The following HOXA3 variants were observed in gnomAD, a reference collection of about 807,000 sequenced individuals.
The protein encoded by HOXA3 is homeobox A3, also known as homeobox protein Hox-A3.
A neutral mutation model predicts 30.3 loss-of-function variants in HOXA3; 8 were observed. The ratio of observed to expected loss-of-function variants is 0.26; its 90% CI spans 0.15 to 0.48. HOXA3 has a LOEUF of 0.48. HOXA3 is among the 20% of genes least tolerant of loss of function. The pLI is 0.99. For synonymous variants in HOXA3, 323 were observed against 273.1 expected (o/e 1.18, Z -1.80); for missense variants, 653 against 614.4 (o/e 1.06, Z -0.66).
At chr7:27,130,564 T>TGCTGCAGCG in intron 2 of HOXA3, 1 of 1,440,370 alleles carries the variant, frequency 6.9e-7, no homozygotes, top group Non-Finnish European at 9.1e-7. Context: ...GAGCTGGGGC[T>TGCTGCAGCG]GCTGCAGCGG....
intron 1 of HOXA3, chr7:27,141,107 CAAATACAAAA>C (rs1409395535): frequency 2.7e-4 from 2 of 7,416 alleles, no homozygotes; most frequent in Non-Finnish European, 5.6e-4. Context: ...TCCTTAAAAA[CAAATACAAAA>C]AAAAAAAAAA....
intron 2 of HOXA3, among the ~76,000 whole-genome samples, chr7:27,138,928 T>C (rs1785800769): frequency 6.6e-6 from 1 of 152,196 alleles, no homozygotes; most frequent in African/African-American, 2.4e-5. Flanking sequence ...GACTTTTAAG[T>C]TGGGCACTGA....
rs950492898 is a variant in HOXA3 at position 27,110,619 on chromosome 7, C to A, written c.22G>T (p.Asp8Tyr). 1 of 1,604,022 alleles carries A rather than the reference C, an allele frequency of 6.2e-7. No individual in the cohort carries two copies. Residue 8 changes from aspartate to tyrosine, a missense_variant, in exon 5 of 6, where the codon GAC becomes TAC. Physicochemically the swap from Asp to Tyr is radical, Grantham distance 160. Transcript: ENST00000612286. Reference sequence around the variant, plus strand: ...TAGCCACCGTAGATCGCCGAGCTGTCGTAGTAGGTCGCTTTTTGCATCGCG... The same window carrying A: ...TAGCCACCGTAGATCGCCGAGCTGTAGTAGTAGGTCGCTTTTTGCATCGCG... MQKATYY[D>Y]SSAIYGGYPY...
chr7:27,148,339 G>C (rs1325398792), intron 1 of HOXA3, among the ~76,000 whole-genome samples: 1 of 152,256 alleles, frequency 6.6e-6, no homozygotes, highest in African/African-American at 2.4e-5. Context: ...TCTTGAGCTG[G>C]AGCAAGGGCC....
intron 2 of HOXA3, among the ~76,000 whole-genome samples, chr7:27,137,947 T>G (rs1043689796): frequency 3.9e-5 from 6 of 152,010 alleles, no homozygotes; most frequent in Non-Finnish European, 8.8e-5. Flanking sequence ...AGAATCCCCG[T>G]CACTCTTTTT....
intron 1 of HOXA3, among the ~76,000 whole-genome samples, chr7:27,149,113 G>A (rs1271214914): frequency 6.6e-6 from 1 of 152,246 alleles, no homozygotes; most frequent in Non-Finnish European, 1.5e-5. Context: ...TTAAAAGCCT[G>A]TCCTGAGCTG....
At chr7:27,142,634 G>A in intron 1 of HOXA3, 1 of 202,682 alleles carries the variant, frequency 4.9e-6, no homozygotes, top group Middle Eastern at 1.7e-3. Flanking sequence ...TTCGGGGGCT[G>A]TAATTAGTAA....
At chr7:27,130,209 G>C in intron 2 of HOXA3, 2 of 1,534,746 alleles carry the variant, frequency 1.3e-6, no homozygotes, top group Non-Finnish European at 1.7e-6. Context: ...AGAGCAGCGG[G>C]CACGCGGGGG....
Position 27,107,639 on chromosome 7 carries a change from T to G in HOXA3, c.*276A>C. ...GTTTCTGATCAAAGAGTGGAGAAGG[T>G]AAAGGGTGCAGGGCCAGTGGCCTAT... On this transcript the variant is annotated 3_prime_UTR_variant, in exon 6 of 6. Transcript: ENST00000612286. The G allele has an allele frequency of 2.8e-6, 1 of 357,628 alleles. No individual in the cohort carries two copies. Among genetic ancestry groups the G allele is most frequent in the East Asian group, 4.1e-5 (1 of 24,234 alleles). 22.2% of individuals were successfully genotyped at this position (357,628 alleles called of 1,614,324 possible).
At chr7:27,145,928 A>AAACGGCC (rs1194596930) in intron 1 of HOXA3, 1 of 1,609,778 alleles carries the variant, frequency 6.2e-7, no homozygotes, top group Middle Eastern at 1.7e-4. Context: ...CTACGAGCAG[A>AAACGGCC]AACGGCCGGG....
In HOXA3 at chr7:27,108,206, A is replaced by G; in HGVS notation, c.1041T>C (p.His347=). 1 of 1,538,766 alleles carries G rather than the reference A, an allele frequency of 6.5e-7. No individual in the cohort carries two copies. Among genetic ancestry groups the G allele is most frequent in the Non-Finnish European group, 8.8e-7 (1 of 1,141,498 alleles). Residue 347 remains histidine (H), a synonymous_variant, in exon 6 of 6, where the codon CAT becomes CAC. Coordinates refer to ENST00000612286, the MANE Select transcript of HOXA3 (RefSeq NM_153631.3). This position sits in a 1 kb window ranked among gnomAD's most constrained non-coding sequence, Gnocchi z 5.0. ...GGTPDYDPHA[H]GLQGNGSYGT... ...CATAGCTGCCGTTGCCCTGCAGGCC[A>G]TGAGCGTGCGGGTCATAGTCGGGGG...
At chr7:27,114,865 T>TAC (rs1784621362) in intron 4 of HOXA3, among the ~76,000 whole-genome samples, 1 of 82,656 alleles carries the variant, frequency 1.2e-5, no homozygotes, top group African/African-American at 4.7e-5. Flanking sequence ...ATATATATAA[T>TAC]ATATATTATA....
intron 1 of HOXA3, chr7:27,147,392 C>T (rs747905039): frequency 1.9e-6 from 3 of 1,614,216 alleles, no homozygotes; most frequent in Admixed American, 1.7e-5. Flanking sequence ...AGTGCTTTGC[C>T]CTGCCCGCTG....
intron 1 of HOXA3, among the ~76,000 whole-genome samples, chr7:27,145,209 T>G (rs1343335294): frequency 6.6e-6 from 1 of 152,168 alleles, no homozygotes; most frequent in Non-Finnish European, 1.5e-5. Context: ...CTTCGGGACT[T>G]ACTGGCGAGG....
At chr7:27,109,748 G>GTGCCTGCTTCCAGCTCCTTCCAA (rs1784253849) in intron 5 of HOXA3, among the ~76,000 whole-genome samples, 1 of 152,230 alleles carries the variant, frequency 6.6e-6, no homozygotes, top group Admixed American at 6.5e-5. Context: ...TTCAGTAAGG[G>GTGCCTGCTTCCAGCTCCTTCCAA]GAGGATGTCA....
chr7:27,125,489 G>C (rs1242288255), intron 3 of HOXA3, among the ~76,000 whole-genome samples: 1 of 152,228 alleles, frequency 6.6e-6, no homozygotes, highest in African/African-American at 2.4e-5. Context: ...AGCCACAGCA[G>C]CCTCCCTCAT....
Position 27,125,784 on chromosome 7 carries a change from C to T in HOXA3, c.-205+1102G>A, listed in dbSNP as rs28357144. 5.3e-5 allele frequency among the ~76,000 whole-genome samples: 8 copies of T among 152,320 alleles called. No individual in the cohort carries two copies. The East Asian group carries it at 1.3e-3, about 26-fold the overall frequency. ...TACATTGATTCTTTGGGTTTTTCTT[C>T]TCTTTCATTCTAAAGAGTCATTGAT... On this transcript the variant is annotated intron_variant, in intron 3 of 5. Coordinates refer to ENST00000612286, the MANE Select transcript of HOXA3 (RefSeq NM_153631.3).
chr7:27,151,529 CCCA>C (rs2128064805), intron 1 of HOXA3: 1 of 454,262 alleles, frequency 2.2e-6, no homozygotes, highest in Non-Finnish European at 4.4e-6. Context: ...ACCGAAACTT[CCCA>C]CCAAGTAACA....
At position 27,108,442 on chromosome 7, in the gene HOXA3, C is replaced by G. The variant is rs201998676; in HGVS notation, c.805G>C (p.Val269Leu). 3 of 1,613,880 alleles carry G rather than the reference C, an allele frequency of 1.9e-6. No homozygotes were observed. The highest frequency in any genetic ancestry group is 2.5e-6 in the Non-Finnish European group (3 of 1,179,906). The change falls in exon 6 of 6, where the codon GTG becomes CTG. Residue 269 changes from valine to leucine, a missense_variant. Physicochemically the swap from Val to Leu is conservative, Grantham distance 32. Around this residue, in one of 3 missense-constraint regions of HOXA3, gnomAD observed 330 missense variants for 274.4 expected, o/e 1.20. Transcript: ENST00000612286. This position sits in a 1 kb window ranked among gnomAD's most constrained non-coding sequence, Gnocchi z 5.0. ...SGGQSPSRSP[V>L]PPGAGGYLNS... The stretch of plus-strand genomic sequence containing the variant: ...AGATAGCCACCGGCTCCGGGGGGCA[C>G]GGGGCTGCGACTTGGAGACTGGCCC...
Sources: gnomAD v4.1 joint callset for allele counts (sites outside exome capture counted in the v4.1 genomes callset) on GRCh38, gnomAD v4.1.1 for gene constraint, gnomAD v4.1.1 regional missense constraint, Gnocchi (gnomAD v3.1) non-coding constraint, MANE v1.5 for transcripts, NCBI Gene and HGNC (gene_info 2026-07-23, HGNC 2026-07-21) for gene names.